RBPJ: variants seen among roughly 807,000 people sequenced by gnomAD.
RBPJ encodes recombining binding protein suppressor of hairless.
In RBPJ, 9 loss-of-function variants were observed where a neutral mutation model predicts 67.8. That is an observed-to-expected ratio of 0.13 (90% CI 0.08 to 0.23). The LOEUF (loss-of-function observed/expected upper bound fraction) is 0.23. Among genes scored for constraint, RBPJ ranks in the 10% least tolerant of loss-of-function variants. The pLI, the probability that RBPJ is intolerant of heterozygous loss-of-function variation, is 1.00. For synonymous variants in RBPJ, 198 were observed against 203.3 expected (o/e 0.97, Z 0.22); for missense variants, 305 against 595.6 (o/e 0.51, Z 5.08).
At chr4:26,280,796 A>G (rs1721249550) in intron 1 of RBPJ, among the ~76,000 whole-genome samples, 1 of 152,208 alleles carries the variant, frequency 6.6e-6, no homozygotes, top group Non-Finnish European at 1.5e-5. Context: ...ATTTTAATAA[A>G]TTGGAGACTT....
At chr4:26,426,705 T>C (rs1210014755) in intron 7 of RBPJ, among the ~76,000 whole-genome samples, 1 of 152,160 alleles carries the variant, frequency 6.6e-6, no homozygotes, top group Non-Finnish European at 1.5e-5. Context: ...GAAGTCGCAG[T>C]ATTTGAAGAG....
chr4:26,270,821 T>G (rs1037271168), intron 1 of RBPJ, among the ~76,000 whole-genome samples: 2 of 152,108 alleles, frequency 1.3e-5, no homozygotes, highest in African/African-American at 4.8e-5. Context: ...TACAAATTTA[T>G]TACATGCACA....
intron 1 of RBPJ, among the ~76,000 whole-genome samples, chr4:26,312,770 G>T (rs183556148): frequency 7.2e-5 from 11 of 152,210 alleles, no homozygotes; most frequent in African/African-American, 2.7e-4. Flanking sequence ...GTCCTTAGAG[G>T]CTGGGTTCTT....
the RBPJ span, chr4:26,113,468 A>C: frequency 1.3e-5 from 7 of 552,190 alleles, no homozygotes; most frequent in Admixed American, 1.5e-4. Flanking sequence ...CCATCAGCAA[A>C]CACACACAGG....
rs978777930 is a variant in RBPJ, at chr4:26,306,075, G to A, written c.-166-56371G>A. 5.9e-5 allele frequency among the ~76,000 whole-genome samples: 9 copies of A among 151,888 alleles called. No individual in the cohort carries two copies. In the South Asian group the frequency reaches 6.2e-4, roughly 10 times the overall value. On this transcript the variant is annotated intron_variant, in intron 1 of 4. Transcript: ENST00000512351. ...GCTGGGATTACAGATGTAAGCCACCGCACCTGGGCGAGTTCTTAAAATTTT... is the reference window on the plus strand; with the variant it reads ...GCTGGGATTACAGATGTAAGCCACCACACCTGGGCGAGTTCTTAAAATTTT...
intron 1 of RBPJ, among the ~76,000 whole-genome samples, chr4:26,170,713 G>A (rs1181400236): frequency 2.6e-5 from 4 of 152,054 alleles, no homozygotes; most frequent in Non-Finnish European, 4.4e-5. Flanking sequence ...TAATTTATGC[G>A]ACCTTAAGAA....
chr4:26,308,263 A>G (rs1054785749), intron 1 of RBPJ, among the ~76,000 whole-genome samples: 7 of 152,124 alleles, frequency 4.6e-5, no homozygotes, highest in Middle Eastern at 3.2e-3. Context: ...GTGACAGAGC[A>G]AGACTCCATC....
intron 1 of RBPJ, among the ~76,000 whole-genome samples, chr4:26,223,182 T>C (rs2109194039): frequency 6.6e-6 from 1 of 151,954 alleles, no homozygotes; most frequent in South Asian, 2.1e-4. Flanking sequence ...GAATTATACT[T>C]TAATTAATGT....
the RBPJ span, among the ~76,000 whole-genome samples, chr4:26,133,905 G>A: frequency 2.0e-5 from 3 of 152,074 alleles, no homozygotes; most frequent in African/African-American, 7.2e-5. Context: ...TCTCTGAATA[G>A]CAAAGCTTTA....
upstream of RBPJ, chr4:26,320,787 G>T (rs750670227): frequency 6.4e-7 from 1 of 1,555,652 alleles, no homozygotes; most frequent in East Asian, 2.4e-5. Flanking sequence ...GCCCGCGGAG[G>T]AGCCGCCTGC....
At chr4:26,422,365 A>G (rs1347774061) in intron 5 of RBPJ, among the ~76,000 whole-genome samples, 1 of 152,154 alleles carries the variant, frequency 6.6e-6, no homozygotes, top group East Asian at 1.9e-4. Context: ...CAAAATGGTG[A>G]TATTCTAATT....
intron 1 of RBPJ, among the ~76,000 whole-genome samples, chr4:26,375,968 A>G (rs906330081): frequency 7.9e-5 from 12 of 151,906 alleles, no homozygotes; most frequent in Admixed American, 7.9e-4. Context: ...TTTTATTGCT[A>G]GTTTTGACAA....
At chr4:26,357,900 TG>T (rs1314027106) in intron 1 of RBPJ, among the ~76,000 whole-genome samples, 1 of 152,172 alleles carries the variant, frequency 6.6e-6, no homozygotes, top group Non-Finnish European at 1.5e-5. Context: ...GTCAGAATTT[TG>T]TTTCTTTTTA....
At chr4:26,156,460 C>A in the RBPJ span, among the ~76,000 whole-genome samples, 1 of 142,656 alleles carries the variant, frequency 7.0e-6, no homozygotes, top group Admixed American at 7.2e-5. Context: ...ACTCTGTAAC[C>A]CAGGCTGGAG....
chr4:26,323,239 A>G (rs1723273735), intron 1 of RBPJ, among the ~76,000 whole-genome samples: 1 of 152,050 alleles, frequency 6.6e-6, no homozygotes, highest in Admixed American at 6.6e-5. Flanking sequence ...GTTCTTGTAC[A>G]TAATCATTGT....
chr4:26,391,900 C>CT lies in RBPJ; in HGVS notation c.59+5510dup, dbSNP rs1018359916. 1.1e-4 allele frequency among the ~76,000 whole-genome samples: 16 copies of CT among 152,154 alleles called. 1 individual carries two copies. The highest frequency in any genetic ancestry group is 3.9e-4 in the African/African-American group (16 of 41,442). On this transcript the variant is annotated intron_variant, in intron 2 of 10. Transcript: ENST00000355476. ...AATTTATGTCTCATAATTCTGGAGG[C>CT]TGGGAAGTCTAAGATTAAGACACCA...
rs115010898 is a variant in RBPJ at position 26,179,959 on chromosome 4, G to A, written c.-167+16345G>A. Among the ~76,000 whole-genome samples the A allele has an allele frequency of 9.9e-3, 1,504 of 152,316 alleles. 16 individuals are homozygous for A. Among genetic ancestry groups the A allele is most frequent in the African/African-American group, 0.035 (1,434 of 41,558 alleles). ...CAACTACAGACTGGTTAAAGCAAAT[G>A]TGGTACATATACACCAGGAAATACG... On this transcript the variant is annotated intron_variant, in intron 1 of 4. Coordinates refer to the RBPJ transcript ENST00000512351.
At chr4:26,142,863 C>T in the RBPJ span, among the ~76,000 whole-genome samples, 71 of 152,300 alleles carry the variant, frequency 4.7e-4, 1 homozygote, top group African/African-American at 1.7e-3. Flanking sequence ...CTCACTGCAA[C>T]CTCTGCCTTC....
At chr4:26,419,150 T>C (rs1734882287) in intron 4 of RBPJ, among the ~76,000 whole-genome samples, 1 of 152,070 alleles carries the variant, frequency 6.6e-6, no homozygotes, top group South Asian at 2.1e-4. Context: ...GGATAATTTT[T>C]GTGTTTTTCG....
Sources: gnomAD v4.1 joint callset for allele counts (sites outside exome capture counted in the v4.1 genomes callset) on GRCh38, gnomAD v4.1.1 for gene constraint, MANE v1.5 for transcripts, NCBI Gene and HGNC (gene_info 2026-07-23, HGNC 2026-07-21) for gene names.